AHI1: variants seen among roughly 807,000 people sequenced by gnomAD.
The protein encoded by AHI1 is jouberin.
Under a neutral mutation model 149.3 loss-of-function variants are expected in AHI1, and 123 were observed. The observed-to-expected ratio is 0.82, with a 90% CI of 0.71 to 0.96. The LOEUF is 0.96. Among genes scored for constraint, AHI1 ranks in the 40% least tolerant of loss-of-function variants. The probability of loss-of-function intolerance (pLI) is 0.00; values close to 1 mark genes in which losing one functional copy is unlikely to be tolerated. For synonymous variants in AHI1, 475 were observed against 459.8 expected (o/e 1.03, Z -0.42); for missense variants, 1,439 against 1,422.7 (o/e 1.01, Z -0.18).
At chr6:135,306,765 G>C (rs537583675) in intron 26 of AHI1, 12 of 152,284 alleles carry the variant, frequency 7.9e-5, no homozygotes, top group Non-Finnish European at 1.0e-4. Context: ...GGTGAGACAA[G>C]TGAAACACTC....
chr6:135,477,762 T>C (rs1254465494), intron 5 of AHI1, among the ~76,000 whole-genome samples: 1 of 152,180 alleles, frequency 6.6e-6, no homozygotes, highest in Non-Finnish European at 1.5e-5. Flanking sequence ...TCCCCAGCTA[T>C]GCCTCCTGTA....
intron 13 of AHI1, among the ~76,000 whole-genome samples, chr6:135,443,781 C>T (rs1369008610): frequency 6.6e-6 from 1 of 152,168 alleles, no homozygotes; most frequent in Non-Finnish European, 1.5e-5. Flanking sequence ...TGCTCCCCAT[C>T]CTTTCTCTGC....
At chr6:135,299,947 A>G (rs1428133335) in intron 27 of AHI1, among the ~76,000 whole-genome samples, 1 of 152,214 alleles carries the variant, frequency 6.6e-6, no homozygotes, top group Non-Finnish European at 1.5e-5. Flanking sequence ...TAGGTCCTCT[A>G]AAGTTTTGTG....
intron 20 of AHI1, among the ~76,000 whole-genome samples, chr6:135,418,520 T>A (rs1465362933): frequency 6.6e-6 from 1 of 152,146 alleles, no homozygotes; most frequent in African/African-American, 2.4e-5. Flanking sequence ...AATGTGGTTT[T>A]CTCAAGAGAT....
chr6:135,371,170 T>G (rs1775003106), intron 23 of AHI1, among the ~76,000 whole-genome samples: 1 of 152,196 alleles, frequency 6.6e-6, no homozygotes, highest in Admixed American at 6.5e-5. Flanking sequence ...ACACCTAATT[T>G]TTTCCTCTAT....
chr6:135,427,167 C>T lies in AHI1; in HGVS notation c.2764G>A (p.Val922Ile). 1 of 1,608,656 alleles carries T rather than the reference C, an allele frequency of 6.2e-7. No homozygotes were observed. The highest frequency in any genetic ancestry group is 2.2e-5 in the East Asian group (1 of 44,648). Residue 922 changes from valine (V) to isoleucine (I), a missense_variant and splice_region_variant, in exon 20 of 29, where the codon GTT becomes ATT. Coordinates refer to ENST00000265602, the MANE Select transcript of AHI1 (RefSeq NM_001134831.2). ...TTTACTTATCAAGTGGTAGACTTAC[C>T]ATGGAAATCGTAAATATACAGAAGA... ...PILLYIYDFH[V>I]AQQEAEMFKR...
At chr6:135,298,374 A>G (rs958409803) in intron 27 of AHI1, among the ~76,000 whole-genome samples, 3 of 152,022 alleles carry the variant, frequency 2.0e-5, no homozygotes, top group Non-Finnish European at 2.9e-5. Flanking sequence ...TCAAGTGGAA[A>G]GTAGTAAGAG....
chr6:135,441,376 CAGA>C (rs146948359), intron 14 of AHI1, among the ~76,000 whole-genome samples: 66,262 of 151,316 alleles, frequency 0.44, 17,504 homozygotes, highest in Middle Eastern at 0.58. Flanking sequence ...ACGGGACTCC[CAGA>C]AGAAGAAAGA....
chr6:135,445,582 CT>C (rs1031608144), intron 13 of AHI1, among the ~76,000 whole-genome samples: 22 of 152,066 alleles, frequency 1.4e-4, no homozygotes, highest in African/African-American at 5.1e-4. Context: ...AATTCTTTTT[CT>C]TTTTAAAGAG....
chr6:135,476,818 T>C (rs1051689806), intron 5 of AHI1, among the ~76,000 whole-genome samples: 3 of 152,194 alleles, frequency 2.0e-5, no homozygotes, highest in African/African-American at 7.2e-5. Flanking sequence ...TAGCATGGTA[T>C]ATGTTTCCAT....
chr6:135,378,175 T>C (rs890199513), intron 23 of AHI1, among the ~76,000 whole-genome samples: 7 of 152,198 alleles, frequency 4.6e-5, no homozygotes, highest in African/African-American at 1.7e-4. Context: ...AGATATGTGA[T>C]CTTGGACTAG....
intron 16 of AHI1, among the ~76,000 whole-genome samples, chr6:135,432,666 A>G (rs1235896068): frequency 1.3e-5 from 2 of 152,112 alleles, no homozygotes; most frequent in Admixed American, 1.3e-4. Context: ...TATTATTCTT[A>G]TATCAAGATA....
At chr6:135,417,601 A>C (rs75875448) in intron 20 of AHI1, among the ~76,000 whole-genome samples, 1,794 of 152,126 alleles carry the variant, frequency 0.012, 38 homozygotes, top group African/African-American at 0.041. Context: ...CCCAAATGGA[A>C]GCGGATAACA....
At chr6:135,388,997 A>G (rs966532264) in intron 23 of AHI1, among the ~76,000 whole-genome samples, 1 of 146,874 alleles carries the variant, frequency 6.8e-6, no homozygotes, top group African/African-American at 2.6e-5. Context: ...GGGTGACAAG[A>G]GTGAGGTTCC....
rs117991413 is a variant in AHI1 at position 135,455,530 on chromosome 6, T to C, written c.1344+204A>G. Among the ~76,000 whole-genome samples the C allele has an allele frequency of 1.4e-3, 216 of 152,326 alleles. 3 individuals carry two copies. The East Asian group carries it at 0.032, about 23-fold the overall frequency. On this transcript the variant is annotated intron_variant, in intron 10 of 28. Transcript: ENST00000265602. The stretch of plus-strand genomic sequence containing the variant: ...ATACAAAGTAGGCCAAATGGTTAAA[T>C]AGTAAACACTCAGCAAATATGCTAT...
chr6:135,332,545 C>G (rs1278821207), intron 24 of AHI1, among the ~76,000 whole-genome samples: 1 of 152,190 alleles, frequency 6.6e-6, no homozygotes, highest in East Asian at 1.9e-4. Flanking sequence ...ACAGACCAGA[C>G]TAACAATCAA....
intron 5 of AHI1, among the ~76,000 whole-genome samples, chr6:135,486,610 C>T (rs1050931761): frequency 6.6e-6 from 1 of 151,988 alleles, no homozygotes; most frequent in African/African-American, 2.4e-5. Context: ...TTTTTGTTCT[C>T]AACACACATT....
chr6:135,343,459 G>T (rs938929553), intron 24 of AHI1, among the ~76,000 whole-genome samples: 1 of 151,670 alleles, frequency 6.6e-6, no homozygotes, highest in Non-Finnish European at 1.5e-5. Flanking sequence ...AAAGAACAAG[G>T]TTGAAGGACA....
rs545014192 is a variant in AHI1, at chr6:135,403,630, T to C, written c.2988+1321A>G. On this transcript the variant is annotated intron_variant, in intron 22 of 28. Transcript: ENST00000265602. ...TTAAATAAAGAGAAATAGCTTTGAA[T>C]TGCTAGTCAGAAAATAAATTGTATT... is the stretch of plus-strand genomic sequence containing the variant. Among the ~76,000 whole-genome samples the C allele has an allele frequency of 3.9e-4, 59 of 152,248 alleles. 1 individual carries two copies. The South Asian group carries it at 0.012, about 32-fold the overall frequency.
Sources: gnomAD v4.1 joint callset for allele counts (sites outside exome capture counted in the v4.1 genomes callset) on GRCh38, gnomAD v4.1.1 for gene constraint, MANE v1.5 for transcripts, NCBI Gene and HGNC (gene_info 2026-07-23, HGNC 2026-07-21) for gene names.